Variants in LY75 observed in about 807,000 individuals in gnomAD.
LY75 encodes the protein C-type lectin domain family 13 member B.
In LY75, 185 loss-of-function variants were observed where a neutral mutation model predicts 231.7. That is an observed-to-expected ratio of 0.80 (90% CI 0.71 to 0.90). LY75 has a LOEUF of 0.90. Among genes scored for constraint, LY75 ranks in the 40% least tolerant of loss-of-function variants. The probability of loss-of-function intolerance (pLI) is 0.00; values close to 1 mark genes in which losing one functional copy is unlikely to be tolerated. For synonymous variants in LY75, 668 were observed against 689.0 expected, an observed-to-expected ratio of 0.97 and a Z score of 0.48; for missense variants, 1,947 against 2,050.2, an observed-to-expected ratio of 0.95 and a Z score of 0.97.
intron 28 of LY75, among the ~76,000 whole-genome samples, chr2:159,822,362 T>A (rs1683324178): frequency 6.6e-6 from 1 of 152,112 alleles, no homozygotes; most frequent in South Asian, 2.1e-4. Context: ...GGGAGTGGCA[T>A]CCGCCATTGC....
chr2:159,835,543 C>T lies in LY75; in HGVS notation c.3610G>A (p.Gly1204Arg). ...LEDCVVLDTD[G>R]FWKTVDCNDN... The stretch of plus-strand genomic sequence containing the variant: ...TTGCAATCAACTGTTTTCCAGAATC[C>T]ATCAGTGTCTAATACTACACAGTCT... The change falls in exon 26 of 35, where the codon GGA becomes AGA. Residue 1204 changes from glycine (G) to arginine (R), a missense_variant. Coordinates refer to ENST00000263636, the MANE Select transcript of LY75 (RefSeq NM_002349.4). 1 of 1,613,166 alleles carries T rather than the reference C, an allele frequency of 6.2e-7. No individual in the cohort carries two copies. The highest frequency in any genetic ancestry group is 1.1e-5 in the South Asian group (1 of 90,810).
rs765879163 is a variant in LY75 at position 159,872,516 on chromosome 2, GT to G, written c.2051del (p.His684ProfsTer11). On this transcript the variant is annotated frameshift_variant, in exon 13 of 35. Coordinates refer to ENST00000263636, the MANE Select transcript of LY75 (RefSeq NM_002349.4). LOFTEE classifies it high-confidence loss of function. ...CATCCACATGGCTGAAGCTAGAAAG[GT>G]GTGCTCCAAGGGCTTGGCAGAATCG... ...AERFCQALGA[H>X]LSSFSHVDEI... The G allele has an allele frequency of 6.2e-6, 10 of 1,613,892 alleles. No individual in the cohort carries two copies. Among genetic ancestry groups the G allele is most frequent in the Non-Finnish European group, 8.5e-6 (10 of 1,179,956 alleles).
intron 1 of LY75, among the ~76,000 whole-genome samples, chr2:159,904,291 A>G (rs1574609181): frequency 1.3e-5 from 2 of 152,136 alleles, no homozygotes; most frequent in South Asian, 4.1e-4. Flanking sequence ...GGAGCAGCGC[A>G]CCCGGCCAAA....
At chr2:159,848,089 T>TACACACACACACACACACACACAC (rs1560079271) in intron 23 of LY75, among the ~76,000 whole-genome samples, 1 of 45,108 alleles carries the variant, frequency 2.2e-5, no homozygotes, top group African/African-American at 4.6e-5. Flanking sequence ...TATATATATA[T>TACACACACACACACACACACACAC]ATATACACAC....
Position 159,854,992 on chromosome 2 carries a change from T to C in LY75, c.2384-53A>G, listed in dbSNP as rs528535023. The C allele has an allele frequency of 1.4e-5, 22 of 1,608,150 alleles. No individual in the cohort carries two copies. The East Asian group carries it at 2.9e-4, about 21-fold the overall frequency. On this transcript the variant is annotated intron_variant, in intron 16 of 34. Coordinates refer to ENST00000263636, the MANE Select transcript of LY75 (RefSeq NM_002349.4). Reference sequence around the variant, plus strand: ...TAGTATTCCATGACAGATCAGGGTATACTATAAGTACGGCCTTTAATGTAG... The same window carrying C: ...TAGTATTCCATGACAGATCAGGGTACACTATAAGTACGGCCTTTAATGTAG...
chr2:159,862,536 G>C (rs1324912315), intron 14 of LY75, among the ~76,000 whole-genome samples: 2 of 152,102 alleles, frequency 1.3e-5, no homozygotes, highest in Admixed American at 6.5e-5. Flanking sequence ...TATATATAGA[G>C]AGACTATACA....
At position 159,872,188 on chromosome 2, in the gene LY75, A is replaced by T. The variant is rs1685035083; in HGVS notation, c.2117+263T>A. On this transcript the variant is annotated intron_variant, in intron 13 of 34. Coordinates refer to ENST00000263636, the MANE Select transcript of LY75 (RefSeq NM_002349.4). The stretch of plus-strand genomic sequence containing the variant: ...ATTCCCAAGGCCCTTCCTTGCCTAT[A>T]TTCTAGATTTTCTGCCATACATTGC... 4 of 307,346 alleles carry T rather than the reference A, an allele frequency of 1.3e-5. No homozygotes were observed. In the South Asian group the frequency reaches 4.0e-4, roughly 31 times the overall value. 19.0% of individuals were successfully genotyped at this position (307,346 alleles called of 1,614,324 possible).
intron 3 of LY75, among the ~76,000 whole-genome samples, chr2:159,891,584 A>T (rs1319846987): frequency 6.6e-6 from 1 of 152,142 alleles, no homozygotes; most frequent in East Asian, 1.9e-4. Flanking sequence ...TTCCATAAAA[A>T]GTAACTCTAG....
In LY75 at chr2:159,890,325, G is replaced by A; in HGVS notation, c.690C>T (p.Tyr230=). 1 of 1,613,410 alleles carries A rather than the reference G, an allele frequency of 6.2e-7. No homozygotes were observed. Among genetic ancestry groups the A allele is most frequent in the Non-Finnish European group, 8.5e-7 (1 of 1,179,654 alleles). Reference sequence around the variant, plus strand: ...AAAGAGCCGTCTGAGTATTAAATTGGTAGCAACTTCCAAACTGCTCGTTCT... The same window carrying A: ...AAAGAGCCGTCTGAGTATTAAATTGATAGCAACTTCCAAACTGCTCGTTCT... ...WEKNEQFGSC[Y]QFNTQTALSW... Residue 230 remains tyrosine, a synonymous_variant, in exon 4 of 35, where the codon TAC becomes TAT. Coordinates refer to ENST00000263636, the MANE Select transcript of LY75 (RefSeq NM_002349.4).
intron 12 of LY75, among the ~76,000 whole-genome samples, chr2:159,873,474 C>A (rs1001346987): frequency 6.6e-6 from 1 of 152,150 alleles, no homozygotes; most frequent in Non-Finnish European, 1.5e-5. Flanking sequence ...AGCTGTTGCC[C>A]TTTTAGCCTG....
intron 1 of LY75, among the ~76,000 whole-genome samples, chr2:159,899,498 T>C (rs1296659403): frequency 6.6e-6 from 1 of 152,200 alleles, no homozygotes; most frequent in African/African-American, 2.4e-5. Context: ...CAATGAAAAG[T>C]CTAGTTGGGA....
At chr2:159,879,520 C>T in intron 8 of LY75, 151 bp from the exon 9 acceptor site, 2 of 1,117,548 alleles carry the variant, frequency 1.8e-6, no homozygotes, top group Non-Finnish European at 2.5e-6. Context: ...GAAAATGCTA[C>T]TCAACAGGCC....
In LY75 at chr2:159,890,663, C is replaced by T. The variant is rs537413409; in HGVS notation, c.638-286G>A. Among the ~76,000 whole-genome samples the T allele has an allele frequency of 1.1e-3, 169 of 152,216 alleles. 2 individuals carry two copies. Among genetic ancestry groups the T allele is most frequent in the Non-Finnish European group, 1.8e-3 (124 of 67,990 alleles). Reference sequence around the variant, plus strand: ...CGCCCATGTCCCTGACTGCCCTCTGCCTGAGATATGGGTCTCAGTGTGCAC... The same window carrying T: ...CGCCCATGTCCCTGACTGCCCTCTGTCTGAGATATGGGTCTCAGTGTGCAC... On this transcript the variant is annotated intron_variant, in intron 3 of 34. Coordinates refer to ENST00000263636, the MANE Select transcript of LY75 (RefSeq NM_002349.4).
At chr2:159,855,948 C>T (rs1684538430) in intron 16 of LY75, among the ~76,000 whole-genome samples, 1 of 152,198 alleles carries the variant, frequency 6.6e-6, no homozygotes, top group Non-Finnish European at 1.5e-5. Flanking sequence ...GAATAGCCAG[C>T]ATCTTTAGTC....
chr2:159,819,961 CAAGACTTG>C, intron 28 of LY75, 41 bp from the exon 29 acceptor site: 1 of 1,540,506 alleles, frequency 6.5e-7, no homozygotes, highest in East Asian at 2.3e-5. Context: ...GAGATTAAAT[CAAGACTTG>C]AATTACACTT....
At chr2:159,872,258 T>C (rs1560091886) in intron 13 of LY75, 193 bp downstream of exon 13, 1 of 613,520 alleles carries the variant, frequency 1.6e-6, no homozygotes, top group South Asian at 3.1e-5. Flanking sequence ...ATCTCATTCA[T>C]TTTTAGATTC....
chr2:159,807,104 G>A lies in LY75; in HGVS notation c.4859C>T (p.Thr1620Ile), dbSNP rs1682816300. The change falls in exon 34 of 35, where the codon ACA (threonine) becomes ATA (isoleucine). Residue 1620 changes from threonine (T) to isoleucine (I), a missense_variant. Transcript: ENST00000263636. ...ACTTTTATTTTCCCATTTGACAAAT[G>A]TCACTTCTGATCCATCTAACCAACT... The part of the protein sequence containing the change: ...SWSWLDGSEV[T>I]FVKWENKSKS... 2 of 1,613,754 alleles carry A rather than the reference G, an allele frequency of 1.2e-6. No individual in the cohort carries two copies. The highest frequency in any genetic ancestry group is 1.7e-4 in the Middle Eastern group (1 of 6,054).
At chr2:159,862,060 G>C (rs1684720325) in intron 14 of LY75, among the ~76,000 whole-genome samples, 1 of 151,988 alleles carries the variant, frequency 6.6e-6, no homozygotes, top group Admixed American at 6.6e-5. Flanking sequence ...CAGCACTTTG[G>C]GAGGCTGAGG....
chr2:159,874,688 T>A (rs1356811043), intron 12 of LY75, among the ~76,000 whole-genome samples: 10 of 120,238 alleles, frequency 8.3e-5, no homozygotes, highest in African/African-American at 3.2e-4. Context: ...TATATGTAAA[T>A]ATATATATTT....
Sources: allele counts gnomAD v4.1 joint callset (sites outside exome capture counted in the v4.1 genomes callset), GRCh38; gene constraint gnomAD v4.1.1; transcripts MANE v1.5; gene names NCBI Gene and HGNC (gene_info 2026-07-23, HGNC 2026-07-21).